Variants in ALKAL2 observed in about 807,000 individuals in gnomAD.
ALKAL2 encodes ALK and LTK ligand 2.
ALKAL2 carries 8 observed loss-of-function variants against 18.5 expected under a neutral mutation model. The ratio of observed to expected loss-of-function variants is 0.43; its 90% CI spans 0.25 to 0.78. The LOEUF is 0.78. Ranked by LOEUF, ALKAL2 falls within the 30% of genes least tolerant of loss-of-function variation. The pLI is 0.22. For missense variants in ALKAL2, 241 were observed against 211.2 expected, an observed-to-expected ratio of 1.14 and a Z score of -0.88; for synonymous variants, 135 against 95.8, an observed-to-expected ratio of 1.41 and a Z score of -2.39.
chr2:286,834 T>A (rs572661929), intron 2 of ALKAL2: 390 of 153,062 alleles, frequency 2.5e-3, no homozygotes, highest in African/African-American at 9.1e-3. Flanking sequence ...AGACCACGTT[T>A]CAGTGAGGTG....
intron 1 of ALKAL2, 48 bp from the exon 2 acceptor site, chr2:287,940 G>C: frequency 1.6e-6 from 2 of 1,234,838 alleles, no homozygotes; most frequent in East Asian, 3.4e-5. Flanking sequence ...CAGCGGGGGA[G>C]GGGGACGGAG....
Position 287,690 on chromosome 2 carries a change from C to G in ALKAL2, c.146G>C (p.Arg49Pro), listed in dbSNP as rs1216943359. The change falls in exon 2 of 6, where the codon CGG (arginine) becomes CCG (proline). Residue 49 changes from arginine to proline, a missense_variant. Physicochemically the swap from Arg to Pro is moderately radical, Grantham distance 103. Coordinates refer to ENST00000403610, the MANE Select transcript of ALKAL2 (RefSeq NM_001002919.3). ...CTTGTGCTCCGCCGAGTGGTGCTTC[C>G]GCAGCTCCTGGACGAGTTCCACCAC... ...RLVVELVQEL[R>P]KHHSAEHKGL... 5 of 1,482,094 alleles carry G rather than the reference C, an allele frequency of 3.4e-6. No individual in the cohort carries two copies. The highest frequency in any genetic ancestry group is 4.5e-6 in the Non-Finnish European group (5 of 1,122,744). The allele number at this position is 1,482,094 out of a possible 1,614,324, so 91.8% of individuals were successfully genotyped here.
At chr2:285,702 G>T (rs1009880703) in intron 4 of ALKAL2, among the ~76,000 whole-genome samples, 5 of 152,200 alleles carry the variant, frequency 3.3e-5, no homozygotes, top group African/African-American at 1.2e-4. Context: ...AAATTCCTGG[G>T]TGATGAGGTT....
At position 286,357 on chromosome 2, in the gene ALKAL2, A is replaced by G. The variant is rs1171731933; in HGVS notation, c.254-14T>C. On this transcript the variant is annotated splice_polypyrimidine_tract_variant and intron_variant, in intron 2 of 5. Transcript: ENST00000403610. The stretch of plus-strand genomic sequence containing the variant: ...GAGGAACAATTTCTGTTTCAGGGAA[A>G]AGAAAGTATTATATTACCTGAAGGA... The G allele has an allele frequency of 6.3e-7, 1 of 1,599,106 alleles. No individual in the cohort carries two copies. The highest frequency in any genetic ancestry group is 1.1e-5 in the South Asian group (1 of 89,148).
At chr2:283,455 G>A (rs1420741850) in intron 4 of ALKAL2, 1 of 985,300 alleles carries the variant, frequency 1.0e-6, no homozygotes, top group Non-Finnish European at 1.2e-6. Flanking sequence ...TGAGCTGGCT[G>A]CCCATTGCTT....
intron 2 of ALKAL2, 199 bp downstream of exon 2, chr2:287,384 A>G: frequency 2.3e-6 from 1 of 426,244 alleles, no homozygotes; most frequent in Non-Finnish European, 4.0e-6. Context: ...GCGCGCCAGA[A>G]GGAGACCAGG....
At position 283,039 on chromosome 2, in the gene ALKAL2, A is replaced by C. The variant is rs747533197; in HGVS notation, c.453+72T>G. 3.3e-4 allele frequency: 487 copies of C among 1,458,236 alleles called. 1 individual carries two copies. Among genetic ancestry groups the C allele is most frequent in the Non-Finnish European group, 4.3e-4 (460 of 1,068,812 alleles). 90.3% of individuals were successfully genotyped at this position (1,458,236 alleles called of 1,614,324 possible). On this transcript the variant is annotated intron_variant, in intron 5 of 5. Coordinates refer to ENST00000403610, the MANE Select transcript of ALKAL2 (RefSeq NM_001002919.3). Reference sequence around the variant, plus strand: ...AAAGAATGAGTGTTCCTAAACTCCCATGAATTTTTCATGTCCCAAGCGGGA... The same window carrying C: ...AAAGAATGAGTGTTCCTAAACTCCCCTGAATTTTTCATGTCCCAAGCGGGA...
Position 286,201 on chromosome 2 carries a change from G to A in ALKAL2, c.310C>T (p.Pro104Ser), listed in dbSNP as rs1484462566. 3 of 1,613,662 alleles carry A rather than the reference G, an allele frequency of 1.9e-6. No homozygotes were observed. Among genetic ancestry groups the A allele is most frequent in the African/African-American group, 1.3e-5 (1 of 74,884 alleles). The change falls in exon 4 of 6, where the codon CCT becomes TCT. Residue 104 changes from proline (P) to serine (S), a missense_variant and splice_region_variant. By Grantham distance (74) the Pro-to-Ser change is moderately conservative. Coordinates refer to ENST00000403610, the MANE Select transcript of ALKAL2 (RefSeq NM_001002919.3). ...KDKFLKHLTG[P>S]LYFSPKCSKH... Reference sequence around the variant, plus strand: ...CTGCACTTTGGACTAAAATAAAGAGGGCCTGGAACACGGAAGAAGAAACAG... The same window carrying A: ...CTGCACTTTGGACTAAAATAAAGAGAGCCTGGAACACGGAAGAAGAAACAG...
chr2:283,126 C>A lies in ALKAL2; in HGVS notation c.438G>T (p.Val146=). The part of the protein sequence containing the change: ...RLLTRLAVSP[V]CMEDKQ ...CCAAGCTTACCTTATCCTCCATGCACACTGGACTGACAGCCAGCCGGGTAA... is the reference window on the plus strand; with the variant it reads ...CCAAGCTTACCTTATCCTCCATGCAAACTGGACTGACAGCCAGCCGGGTAA... Residue 146 remains valine (V), a synonymous_variant, in exon 5 of 6, where the codon GTG becomes GTT. Transcript: ENST00000403610. 6.2e-7 allele frequency: 1 copy of A among 1,612,784 alleles called. No individual in the cohort carries two copies. The highest frequency in any genetic ancestry group is 8.5e-7 in the Non-Finnish European group (1 of 1,179,460).
At chr2:283,483 A>T in intron 4 of ALKAL2, 2 of 985,352 alleles carry the variant, frequency 2.0e-6, no homozygotes, top group Non-Finnish European at 2.4e-6. Flanking sequence ...AAATAACTTC[A>T]TTTCGCTTCC....
At chr2:283,255 C>T in intron 4 of ALKAL2, 80 bp from the exon 5 acceptor site, 2 of 1,537,722 alleles carry the variant, frequency 1.3e-6, no homozygotes, top group Non-Finnish European at 1.8e-6. Flanking sequence ...ATATCAGCTA[C>T]TAAAGCCATT....
chr2:287,678 G>A lies in ALKAL2; in HGVS notation c.158C>T (p.Ser53Leu), dbSNP rs1377554424. The change falls in exon 2 of 6, where the codon TCG becomes TTG. Residue 53 changes from serine (S) to leucine (L), a missense_variant. Coordinates refer to ENST00000403610, the MANE Select transcript of ALKAL2 (RefSeq NM_001002919.3). The stretch of plus-strand genomic sequence containing the variant: ...GAGCTGCAGGCCCTTGTGCTCCGCC[G>A]AGTGGTGCTTCCGCAGCTCCTGGAC... ...ELVQELRKHH[S>L]AEHKGLQLLG... The A allele has an allele frequency of 2.7e-6, 4 of 1,483,346 alleles. No individual in the cohort carries two copies. Among genetic ancestry groups the A allele is most frequent in the Non-Finnish European group, 3.6e-6 (4 of 1,123,380 alleles). 91.9% of individuals were successfully genotyped at this position (1,483,346 alleles called of 1,614,324 possible). A position where few individuals can be genotyped will look rare whatever the true frequency, so the allele number is the denominator to read the frequency against.
At chr2:285,089 A>G (rs1006561448) in intron 4 of ALKAL2, among the ~76,000 whole-genome samples, 2 of 152,190 alleles carry the variant, frequency 1.3e-5, no homozygotes, top group African/African-American at 4.8e-5. Flanking sequence ...CGTTCCATGC[A>G]TCTTTGTGCG....
intron 5 of ALKAL2, among the ~76,000 whole-genome samples, chr2:282,632 A>G (rs79314562): frequency 2.1e-5 from 3 of 145,544 alleles, no homozygotes; most frequent in Non-Finnish European, 4.6e-5. Context: ...AGAGGCTGTG[A>G]AAAAAAAAAA....
At chr2:280,745 T>G (rs2103079894) in intron 5 of ALKAL2, among the ~76,000 whole-genome samples, 1 of 152,320 alleles carries the variant, frequency 6.6e-6, no homozygotes. Flanking sequence ...AGTGTATCTG[T>G]GACTGTTAGG....
At chr2:285,219 G>T (rs536045757) in intron 4 of ALKAL2, among the ~76,000 whole-genome samples, 1 of 152,244 alleles carries the variant, frequency 6.6e-6, no homozygotes, top group Non-Finnish European at 1.5e-5. Flanking sequence ...CTCTATAAAT[G>T]ATGGTTATTA....
chr2:287,963 G>T (rs1042202438), intron 1 of ALKAL2, 50 bp downstream of exon 1: 89 of 1,208,766 alleles, frequency 7.4e-5, no homozygotes, highest in Non-Finnish European at 9.0e-5. Context: ...CGGGGCGGGG[G>T]AGGGGAGGGG....
At chr2:286,771 A>G (rs1056031320) in intron 2 of ALKAL2, 12 of 158,962 alleles carry the variant, frequency 7.5e-5, no homozygotes, top group African/African-American at 2.6e-4. Flanking sequence ...AAACAAAAAA[A>G]TGGGTTACAG....
intron 5 of ALKAL2, among the ~76,000 whole-genome samples, chr2:282,134 T>C (rs1338166316): frequency 6.6e-6 from 1 of 152,138 alleles, no homozygotes; most frequent in Non-Finnish European, 1.5e-5. Flanking sequence ...GGGGGATGCA[T>C]GGGCAGGACC....
Sources: gnomAD v4.1 joint callset for allele counts (sites outside exome capture counted in the v4.1 genomes callset) on GRCh38, gnomAD v4.1.1 for gene constraint, MANE v1.5 for transcripts, NCBI Gene and HGNC (gene_info 2026-07-23, HGNC 2026-07-21) for gene names.